SRGAP2B: variants seen among roughly 807,000 people sequenced by gnomAD.
SRGAP2B encodes the protein SLIT-ROBO Rho GTPase activating protein 2B.
Under a neutral mutation model 22.2 loss-of-function variants are expected in SRGAP2B, and 9 were observed. The observed-to-expected ratio is 0.41, with a 90% CI of 0.24 to 0.71. The LOEUF (loss-of-function observed/expected upper bound fraction) is 0.71, where lower values mean the gene tolerates loss of function less well. Ranked by LOEUF, SRGAP2B falls within the 30% of genes least tolerant of loss-of-function variation. The pLI is 0.35. For synonymous variants in SRGAP2B, 36 were observed against 87.4 expected (o/e 0.41, Z 3.28); for missense variants, 114 against 235.8 (o/e 0.48, Z 3.38).
intron 2 of SRGAP2B, among the ~76,000 whole-genome samples, chr1:145,012,514 T>G: frequency 8.9e-6 from 1 of 112,190 alleles, no homozygotes; most frequent in Non-Finnish European, 1.7e-5. Flanking sequence ...ACAAGTGTTT[T>G]TCCTTCATTA....
At chr1:145,040,990 C>CT (rs1248032338) in intron 2 of SRGAP2B, among the ~76,000 whole-genome samples, 1 of 135,800 alleles carries the variant, frequency 7.4e-6, no homozygotes, top group Non-Finnish European at 1.6e-5. Flanking sequence ...CCCAAACACT[C>CT]TAACTCCCAT....
In SRGAP2B at chr1:144,905,747, A is replaced by G. The variant is rs1662941491; in HGVS notation, c.702+112T>C. ...TCATTTTCAGTCATTAGGCACTAAA[A>G]GAACCCAGAGCTTCCTCGTCTGCTC... On this transcript the variant is annotated intron_variant, in intron 6 of 9. Coordinates refer to ENST00000612199, the Ensembl canonical transcript of SRGAP2B. 5 of 707,390 alleles carry G rather than the reference A, an allele frequency of 7.1e-6. No homozygotes were observed. In the South Asian group the frequency reaches 7.6e-5, roughly 11 times the overall value. The allele number at this position is 707,390 out of a possible 1,614,324, so 43.8% of individuals were successfully genotyped here. A position where few individuals can be genotyped will look rare whatever the true frequency, so the allele number is the denominator to read the frequency against.
chr1:144,975,942 C>T (rs1297195013), intron 3 of SRGAP2B, among the ~76,000 whole-genome samples: 4 of 139,436 alleles, frequency 2.9e-5, no homozygotes, highest in East Asian at 2.1e-4. Flanking sequence ...GGCACGATCT[C>T]GGCTCACTGC....
chr1:145,030,512 T>G (rs1571050991), intron 2 of SRGAP2B, among the ~76,000 whole-genome samples: 1 of 51,388 alleles, frequency 1.9e-5, no homozygotes, highest in African/African-American at 1.2e-4. Flanking sequence ...TGAGAACACT[T>G]GGACACAGGA....
At chr1:145,030,597 TTGTAAATG>T (rs1304223189) in intron 2 of SRGAP2B, among the ~76,000 whole-genome samples, 3 of 108,874 alleles carry the variant, frequency 2.8e-5, no homozygotes, top group East Asian at 4.9e-4. Flanking sequence ...GATATACTTA[TTGTAAATG>T]AAGAGTTAAT....
chr1:145,001,933 G>T (rs1352197591), intron 2 of SRGAP2B, among the ~76,000 whole-genome samples: 2 of 147,410 alleles, frequency 1.4e-5, no homozygotes, highest in Non-Finnish European at 3.0e-5. Flanking sequence ...GAGGTGGGAG[G>T]CTTGCTTGAG....
intron 2 of SRGAP2B, among the ~76,000 whole-genome samples, chr1:145,025,960 G>T (rs1647685871): frequency 6.8e-6 from 1 of 146,052 alleles, no homozygotes; most frequent in Non-Finnish European, 1.5e-5. Flanking sequence ...GCAGGGGATG[G>T]GAGGCGGAAA....
chr1:145,089,200 A>C (rs1223733015), intron 2 of SRGAP2B, among the ~76,000 whole-genome samples: 1 of 150,798 alleles, frequency 6.6e-6, no homozygotes, highest in African/African-American at 2.5e-5. Context: ...CTACATATAA[A>C]AGCATAATGT....
At chr1:144,914,252 T>A (rs1663652367) in intron 5 of SRGAP2B, among the ~76,000 whole-genome samples, 1 of 151,800 alleles carries the variant, frequency 6.6e-6, no homozygotes, top group South Asian at 2.1e-4. Flanking sequence ...CTAGAGCATT[T>A]GTTCTAGTCT....
chr1:145,002,796 C>T (rs1273456819), intron 2 of SRGAP2B, among the ~76,000 whole-genome samples: 2 of 139,408 alleles, frequency 1.4e-5, no homozygotes, highest in East Asian at 2.2e-4. Context: ...TTATATAGTA[C>T]AGAAATTATG....
At position 144,932,534 on chromosome 1, in the gene SRGAP2B, G is replaced by A. The variant is rs1188987196; in HGVS notation, c.424-17780C>T. Among the ~76,000 whole-genome samples the A allele has an allele frequency of 1.5e-4, 22 of 149,764 alleles. 1 individual carries two copies. Among genetic ancestry groups the A allele is most frequent in the Non-Finnish European group, 2.7e-4 (18 of 67,842 alleles). ...AAGCCAGAGCATGCAGACCTTTTGGGTAAACCCTAGGCATAAAGAGTGGAC... is the reference window on the plus strand; with the variant it reads ...AAGCCAGAGCATGCAGACCTTTTGGATAAACCCTAGGCATAAAGAGTGGAC... On this transcript the variant is annotated intron_variant, in intron 4 of 9. Transcript: ENST00000612199.
At chr1:145,080,507 A>G (rs1157831951) in intron 2 of SRGAP2B, among the ~76,000 whole-genome samples, 1 of 145,358 alleles carries the variant, frequency 6.9e-6, no homozygotes, top group Non-Finnish European at 1.5e-5. Context: ...TTGTACTTCA[A>G]AGTGTGTCTA....
At chr1:144,942,692 T>G (rs1553607591) in intron 4 of SRGAP2B, among the ~76,000 whole-genome samples, 1 of 151,504 alleles carries the variant, frequency 6.6e-6, no homozygotes, top group African/African-American at 2.4e-5. Context: ...AGTGCTGGGA[T>G]TACAGACATA....
In SRGAP2B at chr1:145,093,831, A is replaced by C. The variant is rs1214103672; in HGVS notation, c.-542-388T>G. ...CCCCGGCCGGGGCACCTCCCTGTAC[A>C]TCAAAGGGGATCAAAGCCGGGGAGG... is the stretch of plus-strand genomic sequence containing the variant. On this transcript the variant is annotated intron_variant, in intron 1 of 9. Transcript: ENST00000612199. 2.1e-5 allele frequency among the ~76,000 whole-genome samples: 3 copies of C among 142,572 alleles called. No homozygotes were observed. The East Asian group carries it at 6.5e-4, about 31-fold the overall frequency. The allele number at this position is 142,572 out of a possible 152,430, so 93.5% of individuals were successfully genotyped here.
At chr1:145,024,944 T>C (rs1427681973) in intron 2 of SRGAP2B, among the ~76,000 whole-genome samples, 2 of 149,680 alleles carry the variant, frequency 1.3e-5, no homozygotes, top group East Asian at 1.9e-4. Context: ...AATATCCCGT[T>C]GTAGAAGCAC....
At chr1:144,920,129 T>C (rs1553604158) in intron 4 of SRGAP2B, among the ~76,000 whole-genome samples, 1 of 150,748 alleles carries the variant, frequency 6.6e-6, no homozygotes, top group Admixed American at 6.6e-5. Context: ...AGAGTGCTGA[T>C]TGGTGCATTT....
At chr1:145,067,335 G>C (rs1193100779) in intron 2 of SRGAP2B, among the ~76,000 whole-genome samples, 2 of 147,766 alleles carry the variant, frequency 1.4e-5, no homozygotes, top group African/African-American at 2.6e-5. Flanking sequence ...GAGAAGCCAA[G>C]AGTTCAAGGC....
At chr1:144,984,547 G>A (rs2474143) in intron 3 of SRGAP2B, among the ~76,000 whole-genome samples, 61 of 150,062 alleles carry the variant, frequency 4.1e-4, no homozygotes, top group South Asian at 3.6e-3. Flanking sequence ...GGTGCTTTCC[G>A]TCTGTCTCTA....
intron 2 of SRGAP2B, among the ~76,000 whole-genome samples, chr1:145,005,413 T>C: frequency 6.6e-6 from 1 of 150,784 alleles, no homozygotes. Flanking sequence ...CCTACGTTCC[T>C]GTAGAGCTGG....
Sources: allele counts gnomAD v4.1 joint callset (sites outside exome capture counted in the v4.1 genomes callset), GRCh38; gene constraint gnomAD v4.1.1; transcripts MANE v1.5; gene names NCBI Gene and HGNC (gene_info 2026-07-23, HGNC 2026-07-21).